EIF2AK2: variants seen among roughly 807,000 people sequenced by gnomAD.
EIF2AK2 encodes the protein eukaryotic translation initiation factor 2 alpha kinase 2.
In EIF2AK2, 40 loss-of-function variants were observed where a neutral mutation model predicts 70.5. That is an observed-to-expected ratio of 0.57 (90% CI 0.44 to 0.74). The LOEUF is 0.74. Ranked by LOEUF, EIF2AK2 falls within the 30% of genes least tolerant of loss-of-function variation. The pLI, the probability that EIF2AK2 is intolerant of heterozygous loss-of-function variation, is 0.00. For synonymous variants in EIF2AK2, 198 were observed against 220.9 expected (o/e 0.90, Z 0.92); for missense variants, 555 against 644.3 (o/e 0.86, Z 1.50).
chr2:37,136,830 C>T (rs903384134), intron 9 of EIF2AK2, 153 bp downstream of exon 9: 14 of 633,336 alleles, frequency 2.2e-5, no homozygotes, highest in Middle Eastern at 4.8e-4. Context: ...TTTCTCGACA[C>T]ATCTAAAATT....
At chr2:37,148,604 G>C (rs1675638513) in intron 2 of EIF2AK2, 11 of 843,996 alleles carry the variant, frequency 1.3e-5, no homozygotes, top group Non-Finnish European at 2.1e-5. Flanking sequence ...TTGTCACACA[G>C]GTTTTAAGAT....
intron 1 of EIF2AK2, among the ~76,000 whole-genome samples, chr2:37,151,121 G>A (rs1368484480): frequency 1.3e-5 from 2 of 152,086 alleles, no homozygotes; most frequent in African/African-American, 2.4e-5. Context: ...AATTTAAAAC[G>A]TTTGTGTATC....
chr2:37,130,350 G>A (rs1488857764), intron 10 of EIF2AK2, among the ~76,000 whole-genome samples: 1 of 152,044 alleles, frequency 6.6e-6, no homozygotes, highest in Non-Finnish European at 1.5e-5. Flanking sequence ...TGATCCACCC[G>A]CCTTGGCCTC....
rs757769461 is a variant in EIF2AK2, at chr2:37,107,565, T to C, written c.1480-38A>G. 1.9e-5 allele frequency: 30 copies of C among 1,580,988 alleles called. No homozygotes were observed. The Admixed American group carries it at 3.5e-4, about 18-fold the overall frequency. Reference sequence around the variant, plus strand: ...ATGATAGGTGTATATTAGGAAATTATTTACTTGGGAGGAAAGACAGAACTA... The same window carrying C: ...ATGATAGGTGTATATTAGGAAATTACTTACTTGGGAGGAAAGACAGAACTA... On this transcript the variant is annotated intron_variant, in intron 15 of 16. Coordinates refer to ENST00000233057, the MANE Select transcript of EIF2AK2 (RefSeq NM_001135651.3).
rs1175885921 is a variant in EIF2AK2 at position 37,149,423 on chromosome 2, AC to A, written c.-183-401del. On this transcript the variant is annotated intron_variant, in intron 1 of 16. Coordinates refer to ENST00000233057, the MANE Select transcript of EIF2AK2 (RefSeq NM_001135651.3). ...AGATTTTAAAAGCACCTCAATGTGC[AC>A]GAATTTTTCATCTTGGGTGCTTTAA... The A allele has an allele frequency of 1.3e-5, 6 of 471,808 alleles. No individual in the cohort carries two copies. In the East Asian group the frequency reaches 2.5e-4, roughly 20 times the overall value. The allele number at this position is 471,808 out of a possible 1,614,324, so 29.2% of individuals were successfully genotyped here.
At chr2:37,111,954 T>TATATAGATAG (rs1674177145) in intron 14 of EIF2AK2, among the ~76,000 whole-genome samples, 1 of 143,998 alleles carries the variant, frequency 6.9e-6, no homozygotes, top group African/African-American at 2.6e-5. Flanking sequence ...TATATATATA[T>TATATAGATAG]ATAGATTTTG....
chr2:37,142,469 G>C (rs1405732402), intron 4 of EIF2AK2, among the ~76,000 whole-genome samples: 1 of 151,790 alleles, frequency 6.6e-6, no homozygotes, highest in East Asian at 1.9e-4. Flanking sequence ...CAAAAAACTA[G>C]CTTTTGGTTT....
intron 15 of EIF2AK2, 62 bp from the exon 16 acceptor site, chr2:37,107,589 T>TA: frequency 6.5e-7 from 1 of 1,533,352 alleles, no homozygotes; most frequent in Non-Finnish European, 8.8e-7. Context: ...AAGACAGAAC[T>TA]AAAGGCTGAG....
chr2:37,135,951 A>C (rs1675112957), intron 9 of EIF2AK2, among the ~76,000 whole-genome samples: 1 of 152,122 alleles, frequency 6.6e-6, no homozygotes, highest in South Asian at 2.1e-4. Context: ...TCTTTATAAA[A>C]CTATATACTT....
At chr2:37,111,456 A>C (rs1572998524) in intron 14 of EIF2AK2, among the ~76,000 whole-genome samples, 1 of 149,992 alleles carries the variant, frequency 6.7e-6, no homozygotes, top group African/African-American at 2.5e-5. Context: ...CTGCAGTGCA[A>C]TGGCGCGATC....
intron 6 of EIF2AK2, among the ~76,000 whole-genome samples, chr2:37,139,327 A>AC (rs1573029053): frequency 6.6e-6 from 1 of 151,650 alleles, no homozygotes; most frequent in East Asian, 2.0e-4. Context: ...AAAAAAAAAA[A>AC]AAAAAACTCC....
rs567712508 is a variant in EIF2AK2 at position 37,129,199 on chromosome 2, CCAGATGCTTGCCTCTGCTGTCCAAAAGT to C, written c.786-2816_786-2789del. ...AGGACAAACATCTCCATTTAAAATA[CCAGATGCTTGCCTCTGCTGTCCAAAAGT>C]CAGTTATACGAAAGCCTCCTAATAA... On this transcript the variant is annotated intron_variant, in intron 10 of 16. Transcript: ENST00000233057. 4.3e-4 allele frequency among the ~76,000 whole-genome samples: 66 copies of C among 152,198 alleles called. No individual in the cohort carries two copies. In the South Asian group the frequency reaches 9.4e-3, roughly 22 times the overall value.
intron 1 of EIF2AK2, among the ~76,000 whole-genome samples, chr2:37,150,054 C>T (rs1401974420): frequency 3.3e-5 from 5 of 151,256 alleles, no homozygotes; most frequent in South Asian, 4.2e-4. Context: ...GCTGTGCATT[C>T]ATAGGAGCTT....
intron 4 of EIF2AK2, 119 bp downstream of exon 4, chr2:37,146,734 T>A: frequency 7.7e-7 from 1 of 1,302,144 alleles, no homozygotes; most frequent in Non-Finnish European, 1.0e-6. Context: ...TTAACCAAAC[T>A]CTTGAATGTA....
At chr2:37,135,348 ATTG>A (rs1675090071) in intron 10 of EIF2AK2, 133 bp downstream of exon 10, 6 of 699,278 alleles carry the variant, frequency 8.6e-6, no homozygotes, top group Non-Finnish European at 1.5e-5. Flanking sequence ...GCCTAAGACT[ATTG>A]TTCTTACCCT....
intron 1 of EIF2AK2, among the ~76,000 whole-genome samples, chr2:37,156,560 T>G (rs1322333192): frequency 6.6e-6 from 1 of 152,198 alleles, no homozygotes; most frequent in Non-Finnish European, 1.5e-5. Context: ...GTCAAGCCAC[T>G]AGGCCTATTC....
Position 37,143,688 on chromosome 2 carries a change from A to G in EIF2AK2, c.241-1987T>C, listed in dbSNP as rs537742963. On this transcript the variant is annotated intron_variant, in intron 4 of 16. Transcript: ENST00000233057. ...TGCTTGAGTCCAGGAGTTCAAGACC[A>G]GCCTGGGCAACATAGTGAGACTCCA... Among the ~76,000 whole-genome samples, 215 of 152,140 alleles carry G rather than the reference A, an allele frequency of 1.4e-3. 1 individual carries two copies. The highest frequency in any genetic ancestry group is 2.6e-3 in the Non-Finnish European group (179 of 67,986).
intron 12 of EIF2AK2, among the ~76,000 whole-genome samples, chr2:37,120,606 C>T (rs1415821781): frequency 6.7e-6 from 1 of 148,452 alleles, no homozygotes; most frequent in Non-Finnish European, 1.5e-5. Flanking sequence ...TATAATAGGC[C>T]ATTTTTTATT....
chr2:37,129,915 C>T (rs1250681920), intron 10 of EIF2AK2, among the ~76,000 whole-genome samples: 1 of 152,088 alleles, frequency 6.6e-6, no homozygotes, highest in East Asian at 1.9e-4. Context: ...GACTTAAATC[C>T]CAAATTCCTC....
Sources: allele counts gnomAD v4.1 joint callset (sites outside exome capture counted in the v4.1 genomes callset), GRCh38; gene constraint gnomAD v4.1.1; transcripts MANE v1.5; gene names NCBI Gene and HGNC (gene_info 2026-07-23, HGNC 2026-07-21).